AUTS2: variants seen among roughly 807,000 people sequenced by gnomAD.
AUTS2 encodes the protein activator of transcription and developmental regulator AUTS2, also known as autism susceptibility gene 2 protein.
AUTS2 carries 17 observed loss-of-function variants against 112.4 expected under a neutral mutation model. The ratio of observed to expected loss-of-function variants is 0.15; its 90% confidence interval spans 0.10 to 0.23. AUTS2 has a LOEUF of 0.23. Among genes scored for constraint, AUTS2 ranks in the 10% least tolerant of loss-of-function variants. The probability of loss-of-function intolerance (pLI) is 1.00; values close to 1 mark genes in which losing one functional copy is unlikely to be tolerated. For synonymous variants in AUTS2, 751 were observed against 702.7 expected, an observed-to-expected ratio of 1.07 and a Z score of -1.09; for missense variants, 1,510 against 1,701.6, an observed-to-expected ratio of 0.89 and a Z score of 1.98.
intron 1 of AUTS2, among the ~76,000 whole-genome samples, chr7:69,770,841 A>G (rs1788632082): frequency 6.6e-6 from 1 of 152,032 alleles, no homozygotes; most frequent in South Asian, 2.1e-4. Context: ...ACTTAATGAC[A>G]TCATTTAACG....
At chr7:70,188,020 C>G (rs958137052) in intron 4 of AUTS2, among the ~76,000 whole-genome samples, 2 of 152,092 alleles carry the variant, frequency 1.3e-5, no homozygotes, top group African/African-American at 4.8e-5. Context: ...TTTTTATAAA[C>G]AAATCATATT....
chr7:70,488,711 T>G (rs1394190287), intron 5 of AUTS2, among the ~76,000 whole-genome samples: 1 of 152,088 alleles, frequency 6.6e-6, no homozygotes, highest in Non-Finnish European at 1.5e-5. Context: ...TCCCAAACAT[T>G]CTCATCTCTT....
At chr7:70,236,181 A>G (rs1261674663) in intron 4 of AUTS2, among the ~76,000 whole-genome samples, 1 of 152,208 alleles carries the variant, frequency 6.6e-6, no homozygotes, top group African/African-American at 2.4e-5. Context: ...GTATTATTGA[A>G]TGAATGAATG....
chr7:70,395,007 C>A (rs1338629896), intron 4 of AUTS2, among the ~76,000 whole-genome samples: 1 of 152,188 alleles, frequency 6.6e-6, no homozygotes, highest in African/African-American at 2.4e-5. Context: ...TTCATTTAAT[C>A]ATTCTCATTA....
rs79858962 is a variant in AUTS2, at chr7:69,658,273, C to T, written c.309+58311C>T. On this transcript the variant is annotated intron_variant, in intron 1 of 18. Coordinates refer to ENST00000342771, the MANE Select transcript of AUTS2 (RefSeq NM_015570.4). ...CAGAAGTAGTTTGTTGATCCCTTTCCTATTATATAGCAGGCATATAGTGTA... is the reference window on the plus strand; with the variant it reads ...CAGAAGTAGTTTGTTGATCCCTTTCTTATTATATAGCAGGCATATAGTGTA... Among the ~76,000 whole-genome samples, 320 of 152,280 alleles carry T rather than the reference C, an allele frequency of 2.1e-3. 9 individuals are homozygous for T. The East Asian group carries it at 0.055, about 26-fold the overall frequency.
chr7:69,831,442 A>G (rs1203958420), intron 1 of AUTS2, among the ~76,000 whole-genome samples: 2 of 151,986 alleles, frequency 1.3e-5, no homozygotes, highest in Non-Finnish European at 2.9e-5. Context: ...ACAGCTTCTC[A>G]GTGGACTTAC....
At chr7:69,880,964 C>A (rs1275219001) in intron 1 of AUTS2, among the ~76,000 whole-genome samples, 2 of 152,156 alleles carry the variant, frequency 1.3e-5, no homozygotes, top group Non-Finnish European at 2.9e-5. Flanking sequence ...CCCTCAGATG[C>A]CTACCACACG....
chr7:70,165,383 A>G (rs1808327814), intron 4 of AUTS2, among the ~76,000 whole-genome samples: 1 of 152,300 alleles, frequency 6.6e-6, no homozygotes, highest in Non-Finnish European at 1.5e-5. Context: ...CTGAAAATCA[A>G]AGATAAAGAA....
intron 6 of AUTS2, among the ~76,000 whole-genome samples, chr7:70,760,877 G>A (rs563209522): frequency 4.7e-4 from 72 of 152,288 alleles, no homozygotes; most frequent in Non-Finnish European, 8.8e-4. Flanking sequence ...CCAAGTGCTC[G>A]GTCTTTTCAT....
chr7:70,238,664 GT>G (rs5884776), intron 4 of AUTS2, among the ~76,000 whole-genome samples: 3,306 of 148,366 alleles, frequency 0.022, 78 homozygotes, highest in East Asian at 0.066. Flanking sequence ...TATTATTAGT[GT>G]TTTTTTTTTA....
intron 2 of AUTS2, among the ~76,000 whole-genome samples, chr7:70,028,400 C>G (rs1286688041): frequency 6.6e-6 from 1 of 152,194 alleles, no homozygotes; most frequent in Non-Finnish European, 1.5e-5. Context: ...CTGGTCGATT[C>G]CCTTAGAAAG....
chr7:69,773,531 C>T (rs1221664657), intron 1 of AUTS2, among the ~76,000 whole-genome samples: 2 of 149,926 alleles, frequency 1.3e-5, no homozygotes, highest in African/African-American at 2.5e-5. Context: ...GGGTGGGCTA[C>T]AACAGAAAGG....
intron 3 of AUTS2, 27 bp from the exon 4 acceptor site, chr7:70,134,509 C>T: frequency 6.2e-7 from 1 of 1,612,476 alleles, no homozygotes. Flanking sequence ...GCTGATTTTC[C>T]ACTTTTGTCT....
At chr7:70,731,404 T>A (rs1174709166) in intron 6 of AUTS2, among the ~76,000 whole-genome samples, 1 of 144,006 alleles carries the variant, frequency 6.9e-6, no homozygotes, top group South Asian at 2.3e-4. Flanking sequence ...AGCTCATATA[T>A]CCCCTTTACC....
chr7:69,956,832 A>G (rs1203734126), intron 2 of AUTS2, among the ~76,000 whole-genome samples: 1 of 151,882 alleles, frequency 6.6e-6, no homozygotes, highest in Non-Finnish European at 1.5e-5. Flanking sequence ...AGGTTATATT[A>G]TTTACTTTTG....
At chr7:70,281,049 T>A (rs1788191077) in intron 4 of AUTS2, among the ~76,000 whole-genome samples, 1 of 152,148 alleles carries the variant, frequency 6.6e-6, no homozygotes, top group Non-Finnish European at 1.5e-5. Context: ...TCTGTGTGTG[T>A]GGAAAGTGAT....
At chr7:69,676,175 C>T (rs914827651) in intron 1 of AUTS2, among the ~76,000 whole-genome samples, 16 of 152,160 alleles carry the variant, frequency 1.1e-4, no homozygotes, top group African/African-American at 3.9e-4. Context: ...TTTGTAGTCA[C>T]ATCAGTGTGT....
intron 4 of AUTS2, chr7:70,292,103 C>T (rs1477478865): frequency 6.6e-6 from 1 of 152,110 alleles, no homozygotes; most frequent in Non-Finnish European, 1.5e-5. Context: ...TGGATATCCC[C>T]CAGTTAATCT....
chr7:70,703,955 A>G (rs140082273), intron 6 of AUTS2, among the ~76,000 whole-genome samples: 378 of 152,056 alleles, frequency 2.5e-3, no homozygotes, highest in African/African-American at 8.4e-3. Flanking sequence ...CCCTCCTCCT[A>G]CTCCATACTG....
Sources: allele counts gnomAD v4.1 joint callset (sites outside exome capture counted in the v4.1 genomes callset), GRCh38; gene constraint gnomAD v4.1.1; transcripts MANE v1.5; gene names NCBI Gene and HGNC (gene_info 2026-07-23, HGNC 2026-07-21).